MAP1B: variants seen among roughly 807,000 people sequenced by gnomAD.
MAP1B encodes microtubule-associated protein 1B.
MAP1B carries 12 observed loss-of-function variants against 176.1 expected under a neutral mutation model. That is an observed-to-expected ratio of 0.07 (90% confidence interval 0.04 to 0.11). The LOEUF (loss-of-function observed/expected upper bound fraction) is 0.11. Ranked by LOEUF, MAP1B falls within the 10% of genes least tolerant of loss-of-function variation. The pLI is 1.00. For missense variants in MAP1B, 2,523 were observed against 2,990.5 expected, an observed-to-expected ratio of 0.84 and a Z score of 3.65; for synonymous variants, 1,044 against 1,135.0, an observed-to-expected ratio of 0.92 and a Z score of 1.61.
At position 72,194,302 on chromosome 5, in the gene MAP1B, A is replaced by G. The variant is rs1310398444; in HGVS notation, c.947A>G (p.Asn316Ser). The G allele has an allele frequency of 4.3e-6, 7 of 1,614,226 alleles. No homozygotes were observed. The highest frequency in any genetic ancestry group is 4.5e-5 in the East Asian group (2 of 44,888). ...CTGCTCACCCACATTGGGGATGACA[A>G]TTTGCCTGGAATAAACAGCATGTTA... The part of the protein sequence containing the change: ...SILLTHIGDD[N>S]LPGINSMLQR... Residue 316 changes from asparagine (N) to serine (S), a missense_variant, in exon 5 of 7, where the codon AAT (asparagine) becomes AGT (serine). This residue lies in a region of MAP1B where 307 missense variants were observed against 438.4 expected (regional missense o/e 0.70). Coordinates refer to ENST00000296755, the MANE Select transcript of MAP1B (RefSeq NM_005909.5). The surrounding 1 kb of genome is among the most constrained non-coding windows in gnomAD (Gnocchi z 7.2).
chr5:72,112,761 G>A (rs1344356419), intron 1 of MAP1B, among the ~76,000 whole-genome samples: 1 of 152,230 alleles, frequency 6.6e-6, no homozygotes, highest in African/African-American at 2.4e-5. Context: ...ACTGCCTGGA[G>A]TTATTCTGCC....
At chr5:72,142,288 G>A (rs1001932103) in intron 2 of MAP1B, among the ~76,000 whole-genome samples, 2 of 152,174 alleles carry the variant, frequency 1.3e-5, no homozygotes, top group African/African-American at 4.8e-5. Flanking sequence ...CTGGGCGGTC[G>A]CTTATTGTGC....
chr5:72,134,721 T>C (rs753762097), intron 2 of MAP1B, among the ~76,000 whole-genome samples: 19 of 151,806 alleles, frequency 1.3e-4, no homozygotes, highest in Non-Finnish European at 2.4e-4. Flanking sequence ...CCTCCTTTTC[T>C]TACAAAAGCA....
intron 2 of MAP1B, among the ~76,000 whole-genome samples, chr5:72,125,193 A>G (rs906395743): frequency 2.6e-5 from 4 of 151,680 alleles, no homozygotes; most frequent in Non-Finnish European, 4.4e-5. Flanking sequence ...ATAGTTTCCC[A>G]GCTCAAATAC....
intron 2 of MAP1B, chr5:72,116,515 G>C (rs1039953145): frequency 2.7e-6 from 1 of 375,510 alleles, no homozygotes; most frequent in East Asian, 8.2e-5. Flanking sequence ...CCTTCCTGGG[G>C]CTATGATCTG....
intron 2 of MAP1B, among the ~76,000 whole-genome samples, chr5:72,131,347 T>C (rs1042050789): frequency 5.9e-5 from 9 of 152,220 alleles, no homozygotes; most frequent in Admixed American, 5.9e-4. Context: ...TTTTCCCTTA[T>C]GTTTCCTTTT....
intron 4 of MAP1B, among the ~76,000 whole-genome samples, chr5:72,192,452 A>G (rs1045168045): frequency 4.6e-5 from 7 of 152,246 alleles, no homozygotes; most frequent in Non-Finnish European, 7.3e-5. Flanking sequence ...GCGGCCCTTT[A>G]CATAAAATGT....
intron 2 of MAP1B, among the ~76,000 whole-genome samples, chr5:72,165,883 A>G (rs1444869789): frequency 1.3e-5 from 2 of 152,212 alleles, no homozygotes; most frequent in South Asian, 4.1e-4. Flanking sequence ...AGCAAGCTAC[A>G]AAGCCTAACT....
chr5:72,125,721 A>AT (rs11418976), intron 2 of MAP1B, among the ~76,000 whole-genome samples: 55,719 of 152,072 alleles, frequency 0.37, 10,710 homozygotes, highest in East Asian at 0.45. Flanking sequence ...AATATTATCC[A>AT]TGCAAATTGG....
Position 72,194,642 on chromosome 5 carries a change from G to A in MAP1B, c.1287G>A (p.Lys429=), listed in dbSNP as rs1239780569. 4 of 1,614,116 alleles carry A rather than the reference G, an allele frequency of 2.5e-6. No individual in the cohort carries two copies. Among genetic ancestry groups the A allele is most frequent in the African/African-American group, 2.7e-5 (2 of 75,038 alleles). The part of the protein sequence containing the change: ...KLEMYVLNPV[K]SSKEMQYFMQ... ...AGATGTATGTGCTTAATCCAGTCAA[G>A]AGCAGCAAGGAAATGCAGTATTTTA... is the stretch of plus-strand genomic sequence containing the variant. Residue 429 remains lysine (K), a synonymous_variant, in exon 5 of 7, where the codon AAG becomes AAA. Coordinates refer to ENST00000296755, the MANE Select transcript of MAP1B (RefSeq NM_005909.5). This position sits in a 1 kb window ranked among gnomAD's most constrained non-coding sequence, Gnocchi z 7.2.
intron 2 of MAP1B, among the ~76,000 whole-genome samples, chr5:72,147,545 A>C (rs1045557712): frequency 6.6e-6 from 1 of 152,118 alleles, no homozygotes; most frequent in African/African-American, 2.4e-5. Context: ...AGAGAAAGAA[A>C]GGCAAGCCCC....
chr5:72,137,196 A>G (rs1357344005), intron 2 of MAP1B, among the ~76,000 whole-genome samples: 1 of 152,180 alleles, frequency 6.6e-6, no homozygotes, highest in Non-Finnish European at 1.5e-5. Context: ...ATGTCAGACC[A>G]TTTGCTGATA....
At chr5:72,173,375 C>T (rs993000511) in intron 2 of MAP1B, among the ~76,000 whole-genome samples, 7 of 152,168 alleles carry the variant, frequency 4.6e-5, no homozygotes, top group Admixed American at 2.6e-4. Context: ...AGTTTATGAA[C>T]GTAGCACTAA....
intron 6 of MAP1B, 77 bp downstream of exon 6, chr5:72,203,878 AG>A: frequency 2.2e-6 from 3 of 1,368,054 alleles, no homozygotes; most frequent in Non-Finnish European, 3.1e-6. Context: ...ATGTTTAAAG[AG>A]GCACCTCATG....
intron 2 of MAP1B, among the ~76,000 whole-genome samples, chr5:72,161,023 G>T (rs1746316195): frequency 6.6e-6 from 1 of 152,196 alleles, no homozygotes; most frequent in Non-Finnish European, 1.5e-5. Flanking sequence ...ACTAGTGAAT[G>T]GTACCCCTGG....
Position 72,204,091 on chromosome 5 carries a change from C to CAAGA in MAP1B, c.7251+290_7251+291insAAGA, listed in dbSNP as rs1300274015. On this transcript the variant is annotated intron_variant, in intron 6 of 6. Coordinates refer to ENST00000296755, the MANE Select transcript of MAP1B (RefSeq NM_005909.5). The surrounding 1 kb of genome is among the most constrained non-coding windows in gnomAD (Gnocchi z 4.4). ...AATGGGCCTAAGATTAATTGCCCTT[C>CAAGA]CTCCAGTATGCCAAGAGTCTTGTGT... Among the ~76,000 whole-genome samples, 7 of 152,188 alleles carry CAAGA rather than the reference C, an allele frequency of 4.6e-5. No homozygotes were observed. The highest frequency in any genetic ancestry group is 8.8e-5 in the Non-Finnish European group (6 of 68,026).
chr5:72,171,753 C>T (rs977730492), intron 2 of MAP1B, among the ~76,000 whole-genome samples: 2 of 152,082 alleles, frequency 1.3e-5, no homozygotes, highest in South Asian at 4.2e-4. Flanking sequence ...GGACTGTGCC[C>T]CTGGTGTGCC....
Position 72,195,803 on chromosome 5 carries a change from C to T in MAP1B, c.2448C>T (p.Ala816=). The T allele has an allele frequency of 6.2e-7, 1 of 1,614,254 alleles. No homozygotes were observed. The change falls in exon 5 of 7, where the codon GCC becomes GCT. Residue 816 remains alanine, a synonymous_variant. Coordinates refer to ENST00000296755, the MANE Select transcript of MAP1B (RefSeq NM_005909.5). ...AAVMAAAGIA[A]IGPAKELEAE... ...TCATGGCGGCAGCTGGAATAGCAGCCATTGGCCCTGCCAAAGAACTCGAAG... is the reference window on the plus strand; with the variant it reads ...TCATGGCGGCAGCTGGAATAGCAGCTATTGGCCCTGCCAAAGAACTCGAAG...
At chr5:72,136,858 A>T (rs1745846502) in intron 2 of MAP1B, among the ~76,000 whole-genome samples, 1 of 152,180 alleles carries the variant, frequency 6.6e-6, no homozygotes, top group Non-Finnish European at 1.5e-5. Flanking sequence ...GTGAATTATT[A>T]TTATTTTTTG....
Sources: allele counts gnomAD v4.1 joint callset (sites outside exome capture counted in the v4.1 genomes callset), GRCh38; gene constraint gnomAD v4.1.1; regional missense constraint gnomAD v4.1.1; non-coding constraint Gnocchi (gnomAD v3.1); transcripts MANE v1.5; gene names NCBI Gene and HGNC (gene_info 2026-07-23, HGNC 2026-07-21).